The following CD96 variants were observed in gnomAD, a reference collection of about 807,000 sequenced individuals.
CD96 encodes T-cell surface protein tactile.
CD96 carries 70 observed loss-of-function variants against 71.3 expected under a neutral mutation model. The ratio of observed to expected loss-of-function variants is 0.98; its 90% CI spans 0.81 to 1.20. The LOEUF is 1.20. Ranked by LOEUF, CD96 falls within the 50% of genes most tolerant of loss-of-function variation. The pLI is 0.00. For synonymous variants in CD96, 248 were observed against 233.0 expected, an observed-to-expected ratio of 1.06 and a Z score of -0.59; for missense variants, 742 against 677.5, an observed-to-expected ratio of 1.10 and a Z score of -1.06.
In CD96 at chr3:111,649,734, T is replaced by A. The variant is rs1559779603; in HGVS notation, c.1638T>A (p.Pro546=). Residue 546 remains proline (P), a synonymous_variant, in exon 14 of 14, where the codon CCT becomes CCA. Transcript: ENST00000352690. ...CTCCACCTTTCAAGCCACCACCACC[T>A]CCCATCAAGTACACTTGCATTCAAG... The part of the protein sequence containing the change: ...ERPPPFKPPP[P]PIKYTCIQEP... 1 of 1,613,850 alleles carries A rather than the reference T, an allele frequency of 6.2e-7. No individual in the cohort carries two copies. Among genetic ancestry groups the A allele is most frequent in the Non-Finnish European group, 8.5e-7 (1 of 1,179,798 alleles).
At chr3:111,593,637 G>C (rs1937101415) in intron 5 of CD96, 2 of 1,602,546 alleles carry the variant, frequency 1.2e-6, no homozygotes, top group Non-Finnish European at 1.7e-6. Flanking sequence ...TTCATCTCCA[G>C]GATGGCCCTT....
At chr3:111,551,997 G>A (rs1365652545) in intron 2 of CD96, among the ~76,000 whole-genome samples, 1 of 152,064 alleles carries the variant, frequency 6.6e-6, no homozygotes, top group Non-Finnish European at 1.5e-5. Flanking sequence ...CATTCTGAGT[G>A]GTGCAAGATG....
chr3:111,601,201 G>T (rs1425577625), intron 7 of CD96, among the ~76,000 whole-genome samples: 3 of 152,106 alleles, frequency 2.0e-5, no homozygotes, highest in Non-Finnish European at 1.5e-5. Flanking sequence ...TAATTAGTTA[G>T]CATTTTTGTT....
At chr3:111,571,046 T>C in intron 3 of CD96, 2 of 1,161,516 alleles carry the variant, frequency 1.7e-6, no homozygotes, top group Non-Finnish European at 2.6e-6. Context: ...AGGAGGGAGG[T>C]CCCTCCAGGC....
At chr3:111,659,633 T>C (rs1940309853) in intron 14 of CD96, among the ~76,000 whole-genome samples, 1 of 152,210 alleles carries the variant, frequency 6.6e-6, no homozygotes, top group Admixed American at 6.5e-5. Flanking sequence ...TTTCCAAAAA[T>C]ATTAGCAAAC....
downstream of CD96, among the ~76,000 whole-genome samples, chr3:111,653,421 G>A (rs1011030652): frequency 7.2e-5 from 11 of 152,268 alleles, no homozygotes; most frequent in South Asian, 1.2e-3. Context: ...TGCCTAATGC[G>A]TGCTTTATTT....
intron 10 of CD96, 46 bp downstream of exon 10, chr3:111,624,450 TTCA>T: frequency 1.9e-6 from 2 of 1,037,470 alleles, no homozygotes; most frequent in Non-Finnish European, 3.1e-6. Flanking sequence ...ACTTCAGTCA[TTCA>T]TCCGACAGAT....
At chr3:111,577,640 A>G in intron 3 of CD96, 1 of 864,236 alleles carries the variant, frequency 1.2e-6, no homozygotes, top group Middle Eastern at 2.2e-4. Context: ...GACTGACACA[A>G]ATCCTAGCCA....
At chr3:111,581,962 T>C (rs1408894835) in intron 4 of CD96, among the ~76,000 whole-genome samples, 6 of 152,168 alleles carry the variant, frequency 3.9e-5, no homozygotes, top group African/African-American at 1.2e-4. Context: ...TACAAGATTA[T>C]ATCAGTTAGC....
At chr3:111,584,182 A>G (rs966877522) in intron 4 of CD96, among the ~76,000 whole-genome samples, 1 of 152,234 alleles carries the variant, frequency 6.6e-6, no homozygotes, top group Admixed American at 6.5e-5. Context: ...AAATGCTGCC[A>G]GTCTCTTTGC....
rs34129684 is a variant in CD96 at position 111,593,598 on chromosome 3, A to G, written c.808-4522A>G. The G allele has an allele frequency of 2.0e-3, 3,085 of 1,559,772 alleles. 51 individuals carry two copies. In the African/African-American group the frequency reaches 0.036, roughly 18 times the overall value. On this transcript the variant is annotated intron_variant, in intron 5 of 13. Transcript: ENST00000352690. ...GCAGGCAGCTCTTTCTCCCGCTGGCATGCCTCCTTCTCAGCCCTCACCTTC... is the reference window on the plus strand; with the variant it reads ...GCAGGCAGCTCTTTCTCCCGCTGGCGTGCCTCCTTCTCAGCCCTCACCTTC...
At chr3:111,605,763 T>C (rs1480507033) in intron 7 of CD96, among the ~76,000 whole-genome samples, 1 of 152,218 alleles carries the variant, frequency 6.6e-6, no homozygotes, top group Non-Finnish European at 1.5e-5. Context: ...GGCTATGTGC[T>C]ATCAAGTGAC....
At chr3:111,567,486 G>C (rs745602337) in intron 2 of CD96, 37 bp from the exon 3 acceptor site, 1 of 1,580,198 alleles carries the variant, frequency 6.3e-7, no homozygotes, top group Admixed American at 1.7e-5. Context: ...AAACCAATCA[G>C]AGATTCACAT....
At chr3:111,615,638 G>T (rs775236026) in intron 8 of CD96, among the ~76,000 whole-genome samples, 2 of 152,080 alleles carry the variant, frequency 1.3e-5, no homozygotes, top group Non-Finnish European at 2.9e-5. Context: ...AAATAATCTA[G>T]GTTTAGAATG....
At chr3:111,555,749 T>G (rs1463705228) in intron 2 of CD96, among the ~76,000 whole-genome samples, 3 of 152,292 alleles carry the variant, frequency 2.0e-5, no homozygotes, top group Non-Finnish European at 1.5e-5. Context: ...TTTGTCCTAT[T>G]CAGGTTTTGT....
rs1373271543 is a variant in CD96, at chr3:111,543,390, C to A, written c.61+1081C>A. ...AGTCAGACTGCTGATGGGAAAGAGA[C>A]TCTACTTATGTCTAGTATTTCAGAC... On this transcript the variant is annotated intron_variant, in intron 1 of 13. Transcript: ENST00000352690. 2.0e-5 allele frequency among the ~76,000 whole-genome samples: 3 copies of A among 152,066 alleles called. No individual in the cohort carries two copies. In the East Asian group the frequency reaches 5.8e-4, roughly 29 times the overall value.
At chr3:111,551,762 T>C (rs1221098197) in intron 2 of CD96, among the ~76,000 whole-genome samples, 1 of 152,104 alleles carries the variant, frequency 6.6e-6, no homozygotes, top group Non-Finnish European at 1.5e-5. Context: ...TTCCCCCTCA[T>C]GGGTCAGAAT....
In CD96 at chr3:111,649,610, CCTT is replaced by C. The variant is rs1315110335; in HGVS notation, c.1602-87_1602-85del. On this transcript the variant is annotated intron_variant, in intron 13 of 13. Transcript: ENST00000352690. ...TCTCTTTCTCATCAATCTGTGTTCT[CCTT>C]TAAAGAAACAACACATGTCTGTGTG... The C allele has an allele frequency of 3.3e-4, 287 of 866,616 alleles. 2 individuals are homozygous for C. The highest frequency in any genetic ancestry group is 7.7e-4 in the East Asian group (32 of 41,508). 53.7% of individuals were successfully genotyped at this position (866,616 alleles called of 1,614,324 possible). A position where few individuals can be genotyped will look rare whatever the true frequency, so the allele number is the denominator to read the frequency against.
At chr3:111,628,852 G>A (rs1576410759) in intron 10 of CD96, among the ~76,000 whole-genome samples, 1 of 152,302 alleles carries the variant, frequency 6.6e-6, no homozygotes, top group Middle Eastern at 3.4e-3. Flanking sequence ...GAGATTGGGA[G>A]CCTACATTCA....
Sources: allele counts gnomAD v4.1 joint callset (sites outside exome capture counted in the v4.1 genomes callset), GRCh38; gene constraint gnomAD v4.1.1; transcripts MANE v1.5; gene names NCBI Gene and HGNC (gene_info 2026-07-23, HGNC 2026-07-21).